The following CNTN1 variants were observed in gnomAD, a reference collection of about 807,000 sequenced individuals.
CNTN1 encodes contactin-1.
Under a neutral mutation model 126.4 loss-of-function variants are expected in CNTN1, and 38 were observed. The ratio of observed to expected loss-of-function variants is 0.30; its 90% CI spans 0.23 to 0.39. The LOEUF (loss-of-function observed/expected upper bound fraction) is 0.39. Ranked by LOEUF, CNTN1 falls within the 10% of genes least tolerant of loss-of-function variation. The pLI is 1.00. For synonymous variants in CNTN1, 413 were observed against 422.6 expected (o/e 0.98, Z 0.28); for missense variants, 1,009 against 1,248.4 (o/e 0.81, Z 2.89).
At chr12:40,994,355 G>A (rs889702688) in intron 17 of CNTN1, among the ~76,000 whole-genome samples, 1 of 152,056 alleles carries the variant, frequency 6.6e-6, no homozygotes, top group Non-Finnish European at 1.5e-5. Context: ...TTAAAGGTCT[G>A]TATTTGAGAT....
rs542074749 is a variant in CNTN1 at position 40,964,647 on chromosome 12, A to T, written c.1804+5413A>T. Among the ~76,000 whole-genome samples, 12 of 151,932 alleles carry T rather than the reference A, an allele frequency of 7.9e-5. No homozygotes were observed. The East Asian group carries it at 2.3e-3, about 29-fold the overall frequency. On this transcript the variant is annotated intron_variant, in intron 15 of 23. Transcript: ENST00000551295. ...AGTTAGAGGTCATCTTTATTGATAT[A>T]CCCTGTTAAGGTTTTTATTGCTTAG... is the stretch of plus-strand genomic sequence containing the variant.
Position 40,943,483 on chromosome 12 carries a change from G to T in CNTN1, c.1380-114G>T, listed in dbSNP as rs183791597. ...TCATCTTACAAAAATGTCTGTGGTC[G>T]CATGATTTATATAGAATGTAATAAT... On this transcript the variant is annotated intron_variant, in intron 12 of 23. Coordinates refer to ENST00000551295, the MANE Select transcript of CNTN1 (RefSeq NM_001843.4). 2.1e-4 allele frequency: 157 copies of T among 761,830 alleles called. 2 individuals are homozygous for T. The African/African-American group carries it at 2.3e-3, about 11-fold the overall frequency. 47.2% of individuals were successfully genotyped at this position (761,830 alleles called of 1,614,324 possible). A position where few individuals can be genotyped will look rare whatever the true frequency, so the allele number is the denominator to read the frequency against.
At chr12:40,707,227 C>CTTTTCTTTTTTTT (rs1941782316) in intron 1 of CNTN1, among the ~76,000 whole-genome samples, 2 of 109,166 alleles carry the variant, frequency 1.8e-5, no homozygotes, top group African/African-American at 7.7e-5. Context: ...TTTTCTTTTT[C>CTTTTCTTTTTTTT]TTTTTTTTTT....
intron 23 of CNTN1, among the ~76,000 whole-genome samples, chr12:41,037,899 T>A (rs923891960): frequency 3.9e-5 from 6 of 152,210 alleles, no homozygotes; most frequent in African/African-American, 1.4e-4. Flanking sequence ...GGCTCATGCC[T>A]ATAGTCCCAG....
chr12:40,947,642 T>G (rs1243729152), intron 14 of CNTN1, among the ~76,000 whole-genome samples: 2 of 151,762 alleles, frequency 1.3e-5, no homozygotes, highest in African/African-American at 2.4e-5. Context: ...GCCCTCAATT[T>G]TTGACATTCA....
chr12:40,985,541 G>T (rs993464868), intron 16 of CNTN1, among the ~76,000 whole-genome samples: 3 of 151,894 alleles, frequency 2.0e-5, no homozygotes, highest in African/African-American at 7.3e-5. Flanking sequence ...TTGTTCTGTT[G>T]TCTTTTGTCT....
intron 23 of CNTN1, among the ~76,000 whole-genome samples, chr12:41,043,573 T>C (rs1385273960): frequency 3.9e-5 from 6 of 152,116 alleles, no homozygotes; most frequent in Non-Finnish European, 7.4e-5. Context: ...AGTTCAACCA[T>C]TGTGGAAGTC....
intron 23 of CNTN1, among the ~76,000 whole-genome samples, chr12:41,052,005 T>C (rs1317349558): frequency 6.6e-6 from 1 of 151,286 alleles, no homozygotes; most frequent in Non-Finnish European, 1.5e-5. Flanking sequence ...TTGGAATGTA[T>C]TAAATAGCAG....
At chr12:41,049,423 A>G (rs547259759) in intron 23 of CNTN1, among the ~76,000 whole-genome samples, 3 of 152,298 alleles carry the variant, frequency 2.0e-5, no homozygotes, top group East Asian at 1.9e-4. Context: ...AGTATCTCCA[A>G]TCTTCTTTGA....
chr12:40,860,517 G>A (rs557871078), intron 1 of CNTN1, among the ~76,000 whole-genome samples: 1 of 152,110 alleles, frequency 6.6e-6, no homozygotes, highest in East Asian at 1.9e-4. Context: ...TCTGATCAAC[G>A]GGCTACAAAT....
chr12:40,959,085 A>G, intron 14 of CNTN1, 29 bp from the exon 15 acceptor site: 1 of 1,611,448 alleles, frequency 6.2e-7, no homozygotes, highest in Non-Finnish European at 8.5e-7. Flanking sequence ...AAATGTACTG[A>G]TTTGAATAAT....
intron 1 of CNTN1, among the ~76,000 whole-genome samples, chr12:40,779,291 T>G (rs1388599565): frequency 6.6e-6 from 1 of 151,840 alleles, no homozygotes; most frequent in Non-Finnish European, 1.5e-5. Flanking sequence ...TGTGTGAATT[T>G]ATTTAGCAAT....
rs560221457 is a variant in CNTN1 at position 40,752,038 on chromosome 12, CTTAAAT to C, written c.-77+59455_-77+59460del. The stretch of plus-strand genomic sequence containing the variant: ...TTTTCATCTTCTTGATGTTTTTATT[CTTAAAT>C]TTAAATTTGTAAAGTATTTACAAAA... On this transcript the variant is annotated intron_variant, in intron 1 of 23. Transcript: ENST00000551295. Among the ~76,000 whole-genome samples, 26 of 151,924 alleles carry C rather than the reference CTTAAAT, an allele frequency of 1.7e-4. No individual in the cohort carries two copies. In the East Asian group the frequency reaches 4.8e-3, roughly 28 times the overall value.
intron 21 of CNTN1, 61 bp downstream of exon 21, chr12:41,025,397 C>T (rs1478149082): frequency 1.5e-5 from 23 of 1,524,280 alleles, no homozygotes; most frequent in East Asian, 4.5e-5. Context: ...AATCATGATA[C>T]GAATATATTT....
At chr12:41,019,814 A>G (rs1315073713) in intron 19 of CNTN1, among the ~76,000 whole-genome samples, 1 of 152,140 alleles carries the variant, frequency 6.6e-6, no homozygotes, top group Non-Finnish European at 1.5e-5. Context: ...TTTTATTAAT[A>G]ATATTGCTGT....
chr12:40,732,227 A>G (rs905077527), intron 1 of CNTN1, among the ~76,000 whole-genome samples: 2 of 152,026 alleles, frequency 1.3e-5, no homozygotes, highest in African/African-American at 2.4e-5. Context: ...ATAGTATCTG[A>G]TAATGTTATG....
At chr12:41,022,173 G>A (rs903998787) in intron 20 of CNTN1, among the ~76,000 whole-genome samples, 59 of 152,056 alleles carry the variant, frequency 3.9e-4, no homozygotes, top group African/African-American at 1.3e-3. Context: ...GCAACATAGT[G>A]GAACCAATGA....
chr12:40,816,590 AC>A (rs1170849902), intron 1 of CNTN1, among the ~76,000 whole-genome samples: 5 of 151,716 alleles, frequency 3.3e-5, no homozygotes, highest in South Asian at 2.1e-4. Flanking sequence ...TTTCAAAAAA[AC>A]ATCCCCTGAA....
intron 1 of CNTN1, among the ~76,000 whole-genome samples, chr12:40,843,155 A>G (rs1942355727): frequency 6.6e-6 from 1 of 152,118 alleles, no homozygotes; most frequent in African/African-American, 2.4e-5. Flanking sequence ...AAGTCTAGGT[A>G]TTTTCATATC....
Sources: allele counts gnomAD v4.1 joint callset (sites outside exome capture counted in the v4.1 genomes callset), GRCh38; gene constraint gnomAD v4.1.1; transcripts MANE v1.5; gene names NCBI Gene and HGNC (gene_info 2026-07-23, HGNC 2026-07-21).